The following KANK1 variants were observed in gnomAD, a reference collection of about 807,000 sequenced individuals.
KANK1 encodes the protein KN motif and ankyrin repeat domains 1, also known as KN motif and ankyrin repeat domain-containing protein 1.
Under a neutral mutation model 106.2 loss-of-function variants are expected in KANK1, and 109 were observed. That is an observed-to-expected ratio of 1.03 (90% CI 0.88 to 1.20). KANK1 has a LOEUF of 1.20. KANK1 is among the 50% of genes most tolerant of loss of function. KANK1 has a pLI of 0.00. For synonymous variants in KANK1, 873 were observed against 652.2 expected, an observed-to-expected ratio of 1.34 and a Z score of -5.16; for missense variants, 2,399 against 1,710.7, an observed-to-expected ratio of 1.40 and a Z score of -7.10.
intron 2 of KANK1, among the ~76,000 whole-genome samples, chr9:709,266 GCTT>G (rs1564027943): frequency 6.6e-6 from 1 of 152,202 alleles, no homozygotes; most frequent in Non-Finnish European, 1.5e-5. Context: ...TCCTCTGTGT[GCTT>G]CTACTCATGC....
At chr9:740,663 T>G (rs536088570) in intron 8 of KANK1, 129 bp from the exon 9 acceptor site, 2 of 1,040,220 alleles carry the variant, frequency 1.9e-6, no homozygotes, top group African/African-American at 3.2e-5. Flanking sequence ...TCTAAGTCAC[T>G]CTTGGTCTCC....
intron 1 of KANK1, among the ~76,000 whole-genome samples, chr9:556,033 A>C (rs1033188637): frequency 6.6e-6 from 1 of 152,178 alleles, no homozygotes; most frequent in Non-Finnish European, 1.5e-5. Flanking sequence ...TACTGCTGCA[A>C]AGTTGTTGGT....
intron 3 of KANK1, among the ~76,000 whole-genome samples, chr9:484,777 C>T (rs898780839): frequency 6.6e-6 from 1 of 152,142 alleles, no homozygotes; most frequent in African/African-American, 2.4e-5. Context: ...CCTGCAGTGG[C>T]CCCAGTGAGC....
rs899553572 is a variant in KANK1 at position 634,105 on chromosome 9, C to A, written c.-83-42785C>A. 4.6e-5 allele frequency among the ~76,000 whole-genome samples: 7 copies of A among 152,172 alleles called. No individual in the cohort carries two copies. The East Asian group carries it at 1.3e-3, about 29-fold the overall frequency. On this transcript the variant is annotated intron_variant, in intron 1 of 11. Transcript: ENST00000382297. ...CACACACAAAGCCAATTCACTGAGA[C>A]TGTGATATTGCAGTAAAGAAAGAGT... is the stretch of plus-strand genomic sequence containing the variant.
chr9:536,075 C>A (rs145536549), intron 1 of KANK1, among the ~76,000 whole-genome samples: 175 of 152,136 alleles, frequency 1.2e-3, no homozygotes, highest in Middle Eastern at 0.01. Context: ...CGGTGGCTCA[C>A]ATCTGTAATC....
intron 2 of KANK1, among the ~76,000 whole-genome samples, chr9:683,054 C>A (rs575375581): frequency 1.3e-5 from 2 of 152,288 alleles, no homozygotes; most frequent in South Asian, 4.1e-4. Context: ...CTAGAACCCA[C>A]CTGGTGTTTT....
chr9:660,851 C>T (rs10739107), intron 1 of KANK1, among the ~76,000 whole-genome samples: 95,560 of 152,010 alleles, frequency 0.63, 31,324 homozygotes, highest in Non-Finnish European at 0.74. Flanking sequence ...TTCCCAATAG[C>T]GAGGTGATAG....
intron 1 of KANK1, among the ~76,000 whole-genome samples, chr9:598,301 C>A (rs1482580755): frequency 6.6e-6 from 1 of 151,552 alleles, no homozygotes; most frequent in African/African-American, 2.4e-5. Flanking sequence ...AGTGAGAGTT[C>A]TTCAACTTTT....
At chr9:557,893 G>C (rs185111421) in intron 1 of KANK1, among the ~76,000 whole-genome samples, 8 of 152,254 alleles carry the variant, frequency 5.3e-5, no homozygotes, top group Admixed American at 2.0e-4. Context: ...TGGTCTCAGC[G>C]ACTTGGGCGG....
intron 1 of KANK1, among the ~76,000 whole-genome samples, chr9:593,159 C>A (rs897912387): frequency 6.6e-6 from 1 of 151,748 alleles, no homozygotes; most frequent in Non-Finnish European, 1.5e-5. Flanking sequence ...TCCTAACTGC[C>A]TCTTATCTCT....
intron 1 of KANK1, among the ~76,000 whole-genome samples, chr9:650,902 A>G (rs965163523): frequency 2.6e-5 from 4 of 152,182 alleles, no homozygotes; most frequent in Non-Finnish European, 4.4e-5. Flanking sequence ...GACTAAGAAA[A>G]TAGGAAATGA....
rs553843024 is a variant in KANK1, at chr9:472,840, G to A, written c.-441-354G>A. 3.3e-5 allele frequency among the ~76,000 whole-genome samples: 5 copies of A among 152,316 alleles called. No individual in the cohort carries two copies. In the South Asian group the frequency reaches 1.0e-3, roughly 32 times the overall value. The stretch of plus-strand genomic sequence containing the variant: ...ATGACAGCCAGGCTTCCTGATACAT[G>A]AGTGATGCTATCTTGGATTTCTGGC... On this transcript the variant is annotated intron_variant, in intron 2 of 15. Transcript: ENST00000382303.
At chr9:554,508 A>G (rs1471295907) in intron 1 of KANK1, among the ~76,000 whole-genome samples, 1 of 152,228 alleles carries the variant, frequency 6.6e-6, no homozygotes, top group Non-Finnish European at 1.5e-5. Context: ...AATTTTACAT[A>G]AACAGGCTGT....
chr9:660,986 A>C (rs10758796), intron 1 of KANK1, among the ~76,000 whole-genome samples: 127,336 of 151,902 alleles, frequency 0.84, 53,501 homozygotes, highest in East Asian at 0.97. Context: ...CAAATCTCAA[A>C]ACTGATGTAC....
At chr9:740,409 A>G (rs1158524735) in intron 8 of KANK1, among the ~76,000 whole-genome samples, 2 of 152,180 alleles carry the variant, frequency 1.3e-5, no homozygotes, top group Non-Finnish European at 2.9e-5. Context: ...CACTTCGTTC[A>G]TGAATAGCTC....
At chr9:490,323 A>C (rs2058357038) in intron 3 of KANK1, among the ~76,000 whole-genome samples, 1 of 152,100 alleles carries the variant, frequency 6.6e-6, no homozygotes, top group South Asian at 2.1e-4. Flanking sequence ...CTGGGCAACA[A>C]AGTGATACCT....
chr9:669,513 T>G (rs1845424309), intron 1 of KANK1, among the ~76,000 whole-genome samples: 1 of 131,356 alleles, frequency 7.6e-6, no homozygotes, highest in Non-Finnish European at 1.8e-5. Context: ...GCAGGGTTTT[T>G]TGGGGTTTTT....
At chr9:488,243 G>A (rs943054633) in intron 3 of KANK1, among the ~76,000 whole-genome samples, 4 of 152,192 alleles carry the variant, frequency 2.6e-5, no homozygotes, top group East Asian at 1.9e-4. Flanking sequence ...GCTGCAATCA[G>A]TGGTCTAGCC....
chr9:570,290 T>C (rs1375718583), intron 1 of KANK1, among the ~76,000 whole-genome samples: 1 of 152,240 alleles, frequency 6.6e-6, no homozygotes, highest in African/African-American at 2.4e-5. Context: ...GAAAATTTGA[T>C]GTCCTTAGTA....
Sources: gnomAD v4.1 joint callset for allele counts (sites outside exome capture counted in the v4.1 genomes callset) on GRCh38, gnomAD v4.1.1 for gene constraint, MANE v1.5 for transcripts, NCBI Gene and HGNC (gene_info 2026-07-23, HGNC 2026-07-21) for gene names.